MAP4: variants seen among roughly 807,000 people sequenced by gnomAD.
MAP4 encodes microtubule-associated protein 4.
Under a neutral mutation model 170.2 loss-of-function variants are expected in MAP4, and 76 were observed. The ratio of observed to expected loss-of-function variants is 0.45; its 90% CI spans 0.37 to 0.54. The LOEUF (loss-of-function observed/expected upper bound fraction) is 0.54. Ranked by LOEUF, MAP4 falls within the 20% of genes least tolerant of loss-of-function variation. MAP4 has a pLI of 0.00. For missense variants in MAP4, 2,506 were observed against 2,748.0 expected (o/e 0.91, Z 1.97); for synonymous variants, 909 against 994.5 (o/e 0.91, Z 1.62).
intron 3 of MAP4, among the ~76,000 whole-genome samples, chr3:47,943,598 A>G (rs72909702): frequency 6.6e-6 from 1 of 151,892 alleles, no homozygotes; most frequent in African/African-American, 2.4e-5. Context: ...ACAAAACAGG[A>G]CTCTTTCCCC....
At chr3:47,967,909 C>G (rs1308252441) in intron 3 of MAP4, among the ~76,000 whole-genome samples, 1 of 152,078 alleles carries the variant, frequency 6.6e-6, no homozygotes. Flanking sequence ...CTGCTATGAT[C>G]ACACCACTGC....
chr3:48,008,208 G>T (rs2100103451), intron 1 of MAP4, among the ~76,000 whole-genome samples: 1 of 152,158 alleles, frequency 6.6e-6, no homozygotes, highest in African/African-American at 2.4e-5. Context: ...TGGCTCAAAT[G>T]CCCATGGCCT....
chr3:48,081,294 A>C (rs986148864), intron 1 of MAP4, among the ~76,000 whole-genome samples: 2 of 151,628 alleles, frequency 1.3e-5, no homozygotes, highest in Admixed American at 6.6e-5. Context: ...TCTCAAAAAA[A>C]ATAAATAAAT....
intron 11 of MAP4, 61 bp downstream of exon 11, chr3:47,877,356 G>C: frequency 8.0e-7 from 1 of 1,248,440 alleles, no homozygotes; most frequent in Non-Finnish European, 1.2e-6. Flanking sequence ...AGCAATAACA[G>C]CAGAAGATAC....
intron 2 of MAP4, among the ~76,000 whole-genome samples, chr3:47,983,680 G>A (rs148324268): frequency 2.0e-5 from 3 of 151,910 alleles, no homozygotes; most frequent in African/African-American, 4.8e-5. Context: ...GAGCCACCAC[G>A]CCCAGACAAT....
chr3:47,934,836 T>TA lies in MAP4; in HGVS notation c.293-6487dup, dbSNP rs2100051811. The stretch of plus-strand genomic sequence containing the variant: ...TAATTCATTTACCAATTTAAGCACA[T>TA]ACTGTCAATCGCTACTCCAGGCATT... On this transcript the variant is annotated intron_variant, in intron 3 of 20. Coordinates refer to ENST00000683076, the MANE Select transcript of MAP4 (RefSeq NM_001385682.1). Among the ~76,000 whole-genome samples the TA allele has an allele frequency of 1.3e-5, 2 of 152,232 alleles. 1 individual carries two copies. Among genetic ancestry groups the TA allele is most frequent in the Non-Finnish European group, 2.9e-5 (2 of 68,048 alleles).
intron 3 of MAP4, among the ~76,000 whole-genome samples, chr3:47,932,968 T>C (rs953905591): frequency 6.6e-6 from 1 of 152,154 alleles, no homozygotes; most frequent in African/African-American, 2.4e-5. Context: ...AGTGGCACGA[T>C]CACAGCTCAC....
chr3:48,086,068 ATG>A (rs1163222492), intron 1 of MAP4, among the ~76,000 whole-genome samples: 3 of 150,616 alleles, frequency 2.0e-5, no homozygotes, highest in Non-Finnish European at 3.0e-5. Flanking sequence ...ATATATATAT[ATG>A]TGTGTGTATA....
chr3:47,892,426 C>A (rs931420947), intron 10 of MAP4: 2 of 1,536,118 alleles, frequency 1.3e-6, no homozygotes, highest in African/African-American at 2.7e-5. Context: ...ACTCTGCAGG[C>A]TTGCCCTTAC....
intron 3 of MAP4, among the ~76,000 whole-genome samples, chr3:47,945,151 G>A (rs974532647): frequency 6.6e-6 from 1 of 151,692 alleles, no homozygotes; most frequent in African/African-American, 2.4e-5. Context: ...TCAGGAGTTC[G>A]AGACCAGCCT....
At chr3:48,000,267 A>C (rs950174235) in intron 1 of MAP4, among the ~76,000 whole-genome samples, 1 of 151,254 alleles carries the variant, frequency 6.6e-6, no homozygotes, top group African/African-American at 2.4e-5. Flanking sequence ...GCCTGCAATA[A>C]ATTGGGCACC....
intron 1 of MAP4, among the ~76,000 whole-genome samples, chr3:48,080,923 G>C (rs1213288943): frequency 6.6e-6 from 1 of 152,220 alleles, no homozygotes; most frequent in Non-Finnish European, 1.5e-5. Context: ...AGGAGATAGA[G>C]ACCATCCTGG....
At position 47,973,624 on chromosome 3, in the gene MAP4, T is replaced by G. The variant is rs899093610; in HGVS notation, c.292+4241A>C. On this transcript the variant is annotated intron_variant, in intron 3 of 20. Transcript: ENST00000683076. Reference sequence around the variant, plus strand: ...GCATAACCAAATGGAAATAAAAGAATAAATAAATGTCAATCATGAAGTGTG... The same window carrying G: ...GCATAACCAAATGGAAATAAAAGAAGAAATAAATGTCAATCATGAAGTGTG... 53 of 985,008 alleles carry G rather than the reference T, an allele frequency of 5.4e-5. 1 individual carries two copies. The highest frequency in any genetic ancestry group is 2.0e-5 in the Non-Finnish European group (17 of 829,796). 61.0% of individuals were successfully genotyped at this position (985,008 alleles called of 1,614,324 possible). A position where few individuals can be genotyped will look rare whatever the true frequency, so the allele number is the denominator to read the frequency against.
chr3:47,998,768 T>C lies in MAP4; in HGVS notation c.93A>G (p.Ala31=). 1 of 1,613,918 alleles carries C rather than the reference T, an allele frequency of 6.2e-7. No individual in the cohort carries two copies. The highest frequency in any genetic ancestry group is 8.5e-7 in the Non-Finnish European group (1 of 1,179,770). ...IKRDFIATLE[A]EAFDDVVGET... is the part of the protein sequence containing the mutation. The stretch of plus-strand genomic sequence containing the variant: ...CTCCCACAACATCATCAAAGGCCTC[T>C]GCCTCTAGTGTGGCAATGAAGTCCC... The change falls in exon 2 of 21, where the codon GCA becomes GCG. Residue 31 remains alanine (A), a synonymous_variant. Transcript: ENST00000683076.
intron 3 of MAP4, among the ~76,000 whole-genome samples, chr3:47,929,248 A>G (rs2100047918): frequency 6.6e-6 from 1 of 152,120 alleles, no homozygotes; most frequent in African/African-American, 2.4e-5. Flanking sequence ...CTGGCTACTC[A>G]GGAGGCTGAG....
At chr3:47,873,837 G>A (rs1269882366) in intron 12 of MAP4, among the ~76,000 whole-genome samples, 6 of 152,216 alleles carry the variant, frequency 3.9e-5, no homozygotes. Context: ...TTAGAAAAAA[G>A]TTATGTGGGA....
At chr3:48,000,246 A>AAG (rs2100098425) in intron 1 of MAP4, among the ~76,000 whole-genome samples, 1 of 149,870 alleles carries the variant, frequency 6.7e-6, no homozygotes, top group Non-Finnish European at 1.5e-5. Flanking sequence ...AAAAAAAAAA[A>AAG]AGAGCCAAAG....
chr3:48,081,296 T>A (rs990800451), intron 1 of MAP4, among the ~76,000 whole-genome samples: 3 of 151,096 alleles, frequency 2.0e-5, no homozygotes, highest in South Asian at 2.1e-4. Context: ...TCAAAAAAAA[T>A]AAATAAATAA....
upstream of MAP4, among the ~76,000 whole-genome samples, chr3:48,018,353 G>C (rs1158480817): frequency 6.6e-6 from 1 of 151,794 alleles, no homozygotes; most frequent in Non-Finnish European, 1.5e-5. Context: ...ACAAAACAAG[G>C]GGCTAAAAAC....
Sources: gnomAD v4.1 joint callset for allele counts (sites outside exome capture counted in the v4.1 genomes callset) on GRCh38, gnomAD v4.1.1 for gene constraint, MANE v1.5 for transcripts, NCBI Gene and HGNC (gene_info 2026-07-23, HGNC 2026-07-21) for gene names.